The following IRAG1 variants were observed in gnomAD, a reference collection of about 807,000 sequenced individuals.
The protein encoded by IRAG1 is IP3R-associated cGMP kinase substrate.
Under a neutral mutation model 106.2 loss-of-function variants are expected in IRAG1, and 62 were observed. The ratio of observed to expected loss-of-function variants is 0.58; its 90% CI spans 0.48 to 0.72. IRAG1 has a LOEUF of 0.72. Ranked by LOEUF, IRAG1 falls within the 30% of genes least tolerant of loss-of-function variation. The pLI is 0.00. For missense variants in IRAG1, 1,064 were observed against 1,140.7 expected (o/e 0.93, Z 0.97); for synonymous variants, 462 against 443.9 (o/e 1.04, Z -0.51).
intron 18 of IRAG1, among the ~76,000 whole-genome samples, chr11:10,588,781 C>A (rs532188738): frequency 6.6e-6 from 1 of 152,302 alleles, no homozygotes; most frequent in African/African-American, 2.4e-5. Context: ...ACGATCCCAC[C>A]CATCATGTTG....
chr11:10,669,283 C>A (rs1860029666), intron 1 of IRAG1, among the ~76,000 whole-genome samples: 1 of 152,172 alleles, frequency 6.6e-6, no homozygotes, highest in Non-Finnish European at 1.5e-5. Flanking sequence ...GTTTATGAAA[C>A]TACTCTGTGA....
At chr11:10,588,164 C>T (rs560837404) in intron 18 of IRAG1, among the ~76,000 whole-genome samples, 3 of 152,298 alleles carry the variant, frequency 2.0e-5, no homozygotes, top group Non-Finnish European at 4.4e-5. Flanking sequence ...CCATTGTCAT[C>T]AGTGCTGTAA....
At chr11:10,675,689 C>T (rs1860597638) in intron 1 of IRAG1, among the ~76,000 whole-genome samples, 1 of 152,206 alleles carries the variant, frequency 6.6e-6, no homozygotes, top group Non-Finnish European at 1.5e-5. Flanking sequence ...TACCTCAGTG[C>T]TTTTGCACAT....
chr11:10,619,468 C>T (rs529067084), intron 10 of IRAG1, among the ~76,000 whole-genome samples: 6 of 152,200 alleles, frequency 3.9e-5, no homozygotes, highest in East Asian at 1.9e-4. Flanking sequence ...TGGGAGGGGA[C>T]GGGGCTCTTT....
Position 10,581,859 on chromosome 11 carries a change from T to A in IRAG1, c.2360+8A>T. ...AGGTGCCCTTGGGGTGGCTGAGGTC[T>A]GACTCACCCCTTGCTGTAGGCTTCT... On this transcript the variant is annotated splice_region_variant and intron_variant, in intron 19 of 20. Coordinates refer to ENST00000423302, the MANE Select transcript of IRAG1 (RefSeq NM_130385.4). 3.1e-6 allele frequency: 5 copies of A among 1,612,854 alleles called. No homozygotes were observed. The highest frequency in any genetic ancestry group is 4.2e-6 in the Non-Finnish European group (5 of 1,179,364).
chr11:10,643,176 C>CAAAAAAAAAAAAA (rs10679269), intron 2 of IRAG1, among the ~76,000 whole-genome samples: 1 of 60,246 alleles, frequency 1.7e-5, no homozygotes, highest in African/African-American at 7.4e-5. Flanking sequence ...GACTCCGTCT[C>CAAAAAAAAAAAAA]AAAAAAAAAA....
At chr11:10,668,150 C>A (rs1859934753) in intron 1 of IRAG1, among the ~76,000 whole-genome samples, 1 of 152,254 alleles carries the variant, frequency 6.6e-6, no homozygotes. Flanking sequence ...GGAGCCACCA[C>A]ATGATTCTCA....
Position 10,626,230 on chromosome 11 carries a change from C to T in IRAG1, c.1104G>A (p.Glu368=). The T allele has an allele frequency of 6.3e-7, 1 of 1,599,674 alleles. No homozygotes were observed. Among genetic ancestry groups the T allele is most frequent in the African/African-American group, 1.3e-5 (1 of 74,712 alleles). The change falls in exon 9 of 21, where the codon GAG becomes GAA. Residue 368 remains glutamate, a synonymous_variant. Coordinates refer to ENST00000423302, the MANE Select transcript of IRAG1 (RefSeq NM_130385.4). ...PASQGRGPAG[E]PMGPEAGSKA... is the part of the protein sequence containing the mutation. Reference sequence around the variant, plus strand: ...TGGAGCCAGCCTCGGGCCCCATCGGCTCTCCAGCTGGGCCTCTCCCCTGGG... The same window carrying T: ...TGGAGCCAGCCTCGGGCCCCATCGGTTCTCCAGCTGGGCCTCTCCCCTGGG...
intron 1 of IRAG1, among the ~76,000 whole-genome samples, chr11:10,683,361 CAAA>C (rs563286344): frequency 4.3e-5 from 4 of 92,552 alleles, no homozygotes; most frequent in Admixed American, 1.2e-4. Flanking sequence ...AGGTTTGTGC[CAAA>C]AAAAAAAAAA....
chr11:10,646,207 A>C (rs1171975955), intron 2 of IRAG1, among the ~76,000 whole-genome samples: 3 of 152,208 alleles, frequency 2.0e-5, no homozygotes, highest in African/African-American at 7.2e-5. Flanking sequence ...TGAGGGTGTA[A>C]GCCAGGATAG....
chr11:10,645,140 G>A (rs7109413), intron 2 of IRAG1, among the ~76,000 whole-genome samples: 6,299 of 152,184 alleles, frequency 0.041, 456 homozygotes, highest in African/African-American at 0.14. Context: ...CATTTATTGA[G>A]CAAATTCAAT....
chr11:10,644,486 G>T (rs577287207), intron 2 of IRAG1, among the ~76,000 whole-genome samples: 1 of 152,202 alleles, frequency 6.6e-6, no homozygotes, highest in Non-Finnish European at 1.5e-5. Context: ...CAAAATCCTC[G>T]ATGGGAGCAT....
intron 12 of IRAG1, among the ~76,000 whole-genome samples, chr11:10,606,134 T>C (rs1339387471): frequency 1.3e-5 from 2 of 152,228 alleles, no homozygotes; most frequent in Admixed American, 6.5e-5. Flanking sequence ...TGTCTTCCTC[T>C]GCTTATCTGG....
intron 19 of IRAG1, among the ~76,000 whole-genome samples, chr11:10,580,836 A>T (rs948209768): frequency 6.6e-6 from 1 of 152,184 alleles, no homozygotes; most frequent in Non-Finnish European, 1.5e-5. Flanking sequence ...CAGGGAAAAA[A>T]TGTGGTGCAG....
chr11:10,626,286 G>C lies in IRAG1; in HGVS notation c.1048C>G (p.Gln350Glu), dbSNP rs746300114. ...GGGGGACCCACTCCTGCCGCATCCT[G>C]GGTTGGACTTCTCGGCAGAGGGCTG... ...EGSPLPRSPTQDAAGVGPPAS... is the reference protein window; with the variant it reads ...EGSPLPRSPTEDAAGVGPPAS... The change falls in exon 9 of 21, where the codon CAG (glutamine) becomes GAG (glutamate). Residue 350 changes from glutamine (Q) to glutamate (E), a missense_variant. By Grantham distance (29) the Gln-to-Glu change is conservative (BLOSUM62 2). Transcript: ENST00000423302. 1 of 1,612,944 alleles carries C rather than the reference G, an allele frequency of 6.2e-7. No individual in the cohort carries two copies. Among genetic ancestry groups the C allele is most frequent in the Admixed American group, 1.7e-5 (1 of 59,922 alleles).
chr11:10,619,755 C>T (rs1363048271), intron 10 of IRAG1, among the ~76,000 whole-genome samples: 9 of 152,066 alleles, frequency 5.9e-5, no homozygotes, highest in African/African-American at 7.2e-5. Flanking sequence ...CAAACTGAAG[C>T]GTGGAGAGAA....
chr11:10,595,874 T>C (rs1240717841), intron 15 of IRAG1: 1 of 152,232 alleles, frequency 6.6e-6, no homozygotes, highest in Non-Finnish European at 1.5e-5. Context: ...TAGGCCTTGG[T>C]ACCTGTTGTT....
In IRAG1 at chr11:10,631,979, C is replaced by T; in HGVS notation, c.400+12G>A. 6.2e-7 allele frequency: 1 copy of T among 1,612,656 alleles called. No homozygotes were observed. The highest frequency in any genetic ancestry group is 1.1e-5 in the South Asian group (1 of 91,038). The stretch of plus-strand genomic sequence containing the variant: ...TTCTACTCAACATGCCTTAGATTGC[C>T]CTGGTCCTTACCCACAGATGTCAGG... On this transcript the variant is annotated intron_variant, in intron 4 of 20. Transcript: ENST00000423302.
chr11:10,606,314 G>A (rs923446190), intron 12 of IRAG1, among the ~76,000 whole-genome samples: 4 of 152,220 alleles, frequency 2.6e-5, no homozygotes, highest in Non-Finnish European at 5.9e-5. Context: ...GCTCCGCTGA[G>A]CTGGCATTCT....
Sources: gnomAD v4.1 joint callset for allele counts (sites outside exome capture counted in the v4.1 genomes callset) on GRCh38, gnomAD v4.1.1 for gene constraint, MANE v1.5 for transcripts, NCBI Gene and HGNC (gene_info 2026-07-23, HGNC 2026-07-21) for gene names.